Variants in SLC1A6 observed in about 807,000 individuals in gnomAD.
SLC1A6 encodes excitatory amino acid transporter 4.
SLC1A6 carries 15 observed loss-of-function variants against 42.1 expected under a neutral mutation model. The observed-to-expected ratio is 0.36, with a 90% CI of 0.24 to 0.55. SLC1A6 has a LOEUF of 0.55. SLC1A6 is among the 20% of genes least tolerant of loss of function. The pLI is 0.88. For missense variants in SLC1A6, 542 were observed against 772.5 expected (o/e 0.70, Z 3.54); for synonymous variants, 317 against 319.7 (o/e 0.99, Z 0.09).
At chr19:14,989,104 G>A (rs1429510624) in intron 1 of SLC1A6, among the ~76,000 whole-genome samples, 2 of 152,090 alleles carry the variant, frequency 1.3e-5, no homozygotes, top group African/African-American at 4.8e-5. Context: ...ACAGACACCG[G>A]CAACTCCAAA....
intron 3 of SLC1A6, among the ~76,000 whole-genome samples, chr19:14,969,857 T>C (rs1391204814): frequency 2.0e-5 from 3 of 152,226 alleles, no homozygotes; most frequent in Non-Finnish European, 2.9e-5. Context: ...GCTTCTGTGC[T>C]GCAATGGCAG....
At chr19:14,962,370 A>G (rs2045523503) in intron 5 of SLC1A6, 25 bp from the exon 6 acceptor site, 2 of 1,573,932 alleles carry the variant, frequency 1.3e-6, no homozygotes, top group Non-Finnish European at 1.7e-6. Flanking sequence ...GATTGCGCCC[A>G]GATTCAATTC....
intron 5 of SLC1A6, among the ~76,000 whole-genome samples, chr19:14,962,598 T>C (rs528321875): frequency 6.6e-6 from 1 of 152,186 alleles, no homozygotes; most frequent in Non-Finnish European, 1.5e-5. Flanking sequence ...ATATGGAGCT[T>C]CCTCAAAAAA....
upstream of SLC1A6, among the ~76,000 whole-genome samples, chr19:14,983,513 C>T (rs944084452): frequency 6.6e-6 from 1 of 151,664 alleles, no homozygotes; most frequent in African/African-American, 2.4e-5. Flanking sequence ...TATTGAGACT[C>T]CCCCATCTCC....
intron 1 of SLC1A6, among the ~76,000 whole-genome samples, chr19:15,005,259 CAAAAA>C (rs59367163): frequency 4.3e-4 from 39 of 91,080 alleles, no homozygotes; most frequent in African/African-American, 1.2e-3. Flanking sequence ...GACCCTGTCT[CAAAAA>C]AAAAAAAAAA....
At chr19:14,960,185 A>G (rs1488551107) in intron 6 of SLC1A6, among the ~76,000 whole-genome samples, 1 of 152,248 alleles carries the variant, frequency 6.6e-6, no homozygotes, top group East Asian at 1.9e-4. Context: ...AAGCAAATGA[A>G]ACAAGTTAGT....
chr19:15,005,905 C>T (rs137915795), intron 1 of SLC1A6, among the ~76,000 whole-genome samples: 1 of 152,162 alleles, frequency 6.6e-6, no homozygotes, highest in Admixed American at 6.5e-5. Flanking sequence ...ACAAGTTCTG[C>T]CCAACAGAGG....
chr19:14,981,621 G>A (rs145946053), upstream of SLC1A6, among the ~76,000 whole-genome samples: 1 of 152,300 alleles, frequency 6.6e-6, no homozygotes, highest in Non-Finnish European at 1.5e-5. Flanking sequence ...GGATGTGCTA[G>A]AGGCTGGAGA....
chr19:14,992,625 T>C (rs962611520), intron 1 of SLC1A6, among the ~76,000 whole-genome samples: 1 of 150,146 alleles, frequency 6.7e-6, no homozygotes, highest in Non-Finnish European at 1.5e-5. Flanking sequence ...GCCACTGCAC[T>C]CCATCTTGGG....
chr19:15,002,957 T>G (rs2045879031), intron 1 of SLC1A6, among the ~76,000 whole-genome samples: 1 of 103,290 alleles, frequency 9.7e-6, no homozygotes. Context: ...TTTTTGTTTT[T>G]TGTGGGATGT....
intron 1 of SLC1A6, among the ~76,000 whole-genome samples, chr19:15,007,511 CA>C (rs1179989073): frequency 2.0e-5 from 3 of 151,720 alleles, no homozygotes; most frequent in Non-Finnish European, 4.4e-5. Context: ...CTGAATTGTG[CA>C]CCTTAAAATC....
chr19:14,964,390 T>A (rs755516320), intron 4 of SLC1A6, 29 bp from the exon 5 acceptor site: 1 of 1,606,248 alleles, frequency 6.2e-7, no homozygotes, highest in Admixed American at 1.7e-5. Context: ...AGAAGGAAAG[T>A]GGTTAGACCA....
At chr19:14,971,716 C>A in intron 3 of SLC1A6, 21 bp downstream of exon 3, 1 of 1,612,674 alleles carries the variant, frequency 6.2e-7, no homozygotes, top group Non-Finnish European at 8.5e-7. Flanking sequence ...TGGAGGCCAA[C>A]ACTGGCCTGG....
At chr19:14,965,380 G>C (rs945281052) in intron 4 of SLC1A6, among the ~76,000 whole-genome samples, 10 of 152,092 alleles carry the variant, frequency 6.6e-5, no homozygotes, top group Admixed American at 2.0e-4. Flanking sequence ...CCACTACTGG[G>C]TATCTACTCA....
intron 9 of SLC1A6, among the ~76,000 whole-genome samples, chr19:14,952,062 T>C (rs1333243588): frequency 6.6e-6 from 1 of 151,916 alleles, no homozygotes; most frequent in African/African-American, 2.4e-5. Flanking sequence ...TCCACCTGCT[T>C]TGGCCTCGCA....
In SLC1A6 at chr19:14,968,378, C is replaced by A; in HGVS notation, c.473G>T (p.Gly158Val). 6.2e-7 allele frequency: 1 copy of A among 1,613,758 alleles called. No individual in the cohort carries two copies. The highest frequency in any genetic ancestry group is 8.5e-7 in the Non-Finnish European group (1 of 1,179,892). Reference protein sequence around the residue: ...LMVTIIHPGKGSKEGLHREGR... With the variant: ...LMVTIIHPGKVSKEGLHREGR... ...CTCCCGGTGCAGCCCCTCCTTGGAG[C>A]CCTTCCCGGGATGGATGATGGTGAC... The change falls in exon 4 of 10, where the codon GGC (glycine) becomes GTC (valine). Residue 158 changes from glycine to valine, a missense_variant. Physicochemically the swap from Gly to Val is moderately radical, Grantham distance 109. Transcript: ENST00000594383.
intron 7 of SLC1A6, among the ~76,000 whole-genome samples, chr19:14,954,943 C>A (rs909471581): frequency 9.2e-5 from 14 of 152,286 alleles, no homozygotes; most frequent in Admixed American, 2.6e-4. Flanking sequence ...TCAGGGAGGG[C>A]CCCTACTCCA....
chr19:14,966,131 C>G (rs1057451108), intron 4 of SLC1A6, among the ~76,000 whole-genome samples: 65 of 152,092 alleles, frequency 4.3e-4, no homozygotes, highest in African/African-American at 1.5e-3. Flanking sequence ...GAATTCTCCA[C>G]TATATAATTC....
At chr19:14,997,968 A>C (rs907468755) in intron 1 of SLC1A6, among the ~76,000 whole-genome samples, 1 of 151,466 alleles carries the variant, frequency 6.6e-6, no homozygotes, top group African/African-American at 2.4e-5. Flanking sequence ...TTGACAAGTA[A>C]AAATTGCATA....
Sources: gnomAD v4.1 joint callset for allele counts (sites outside exome capture counted in the v4.1 genomes callset) on GRCh38, gnomAD v4.1.1 for gene constraint, MANE v1.5 for transcripts, NCBI Gene and HGNC (gene_info 2026-07-23, HGNC 2026-07-21) for gene names.